SUCLG2: variants seen among roughly 807,000 people sequenced by gnomAD.
SUCLG2 encodes succinate--CoA ligase [GDP-forming] subunit beta, mitochondrial.
Under a neutral mutation model 47.9 loss-of-function variants are expected in SUCLG2, and 42 were observed. That is an observed-to-expected ratio of 0.88 (90% CI 0.69 to 1.14). The LOEUF (loss-of-function observed/expected upper bound fraction) is 1.14, where lower values mean the gene tolerates loss of function less well. SUCLG2 is among the 50% of genes most tolerant of loss of function. The probability of loss-of-function intolerance (pLI) is 0.00; values close to 1 mark genes in which losing one functional copy is unlikely to be tolerated. For missense variants in SUCLG2, 571 were observed against 525.9 expected, an observed-to-expected ratio of 1.09 and a Z score of -0.84; for synonymous variants, 195 against 197.3, an observed-to-expected ratio of 0.99 and a Z score of 0.10.
intron 9 of SUCLG2, among the ~76,000 whole-genome samples, chr3:67,472,690 T>C (rs1704633924): frequency 6.6e-6 from 1 of 152,150 alleles, no homozygotes; most frequent in African/African-American, 2.4e-5. Context: ...CTTAATTAAC[T>C]AAATGGTCAC....
chr3:67,443,718 T>G, intron 9 of SUCLG2, among the ~76,000 whole-genome samples: 1 of 86,210 alleles, frequency 1.2e-5, no homozygotes. Context: ...ATCTGGGATG[T>G]GAGGAGCGCC....
At chr3:67,423,843 A>C (rs969110389) in intron 9 of SUCLG2, among the ~76,000 whole-genome samples, 6 of 152,202 alleles carry the variant, frequency 3.9e-5, no homozygotes, top group Admixed American at 2.6e-4. Flanking sequence ...GAGGTATCTT[A>C]CTATAGCTAG....
At chr3:67,566,201 T>C (rs1707450345) in intron 2 of SUCLG2, among the ~76,000 whole-genome samples, 1 of 152,240 alleles carries the variant, frequency 6.6e-6, no homozygotes, top group Non-Finnish European at 1.5e-5. Context: ...TTCTAGTCTG[T>C]CTTTGACCTC....
downstream of SUCLG2, among the ~76,000 whole-genome samples, chr3:67,369,816 C>T (rs577371445): frequency 7.9e-5 from 12 of 152,260 alleles, no homozygotes; most frequent in South Asian, 2.5e-3. Context: ...TCCTGTTTCA[C>T]CTGTTCCTAC....
At chr3:67,630,319 G>A (rs760715974) in intron 1 of SUCLG2, among the ~76,000 whole-genome samples, 1 of 152,172 alleles carries the variant, frequency 6.6e-6, no homozygotes, top group Non-Finnish European at 1.5e-5. Context: ...CATTTAAACT[G>A]TAGACTTTGG....
intron 9 of SUCLG2, among the ~76,000 whole-genome samples, chr3:67,448,504 C>A (rs1703979729): frequency 6.6e-6 from 1 of 152,164 alleles, no homozygotes; most frequent in Non-Finnish European, 1.5e-5. Flanking sequence ...CATGCCTCAG[C>A]CTCCTGAGTA....
chr3:67,392,030 C>T (rs557715785), intron 10 of SUCLG2, among the ~76,000 whole-genome samples: 14 of 152,236 alleles, frequency 9.2e-5, no homozygotes, highest in African/African-American at 2.9e-4. Flanking sequence ...TCAGTGCATG[C>T]CCCTGTCCTT....
intron 2 of SUCLG2, among the ~76,000 whole-genome samples, chr3:67,542,869 T>A (rs1283123792): frequency 2.0e-5 from 3 of 152,108 alleles, no homozygotes; most frequent in Non-Finnish European, 2.9e-5. Context: ...CACACAATAA[T>A]AGTGGGAGAC....
intron 2 of SUCLG2, among the ~76,000 whole-genome samples, chr3:67,586,891 C>T (rs1043730365): frequency 6.6e-6 from 1 of 152,180 alleles, no homozygotes; most frequent in African/African-American, 2.4e-5. Flanking sequence ...TAAGCTGCCT[C>T]CCATTTACTG....
intron 10 of SUCLG2, among the ~76,000 whole-genome samples, chr3:67,388,789 T>C (rs966223301): frequency 6.7e-6 from 1 of 150,244 alleles, no homozygotes; most frequent in African/African-American, 2.5e-5. Flanking sequence ...TGGACTATTA[T>C]AGTTATAGTA....
intron 2 of SUCLG2, among the ~76,000 whole-genome samples, chr3:67,553,495 TTAAA>T (rs1707072050): frequency 1.3e-5 from 2 of 152,376 alleles, no homozygotes; most frequent in Admixed American, 6.5e-5. Flanking sequence ...GCTTTTGGAC[TTAAA>T]TAATTCAAGT....
intron 9 of SUCLG2, among the ~76,000 whole-genome samples, chr3:67,415,499 C>T (rs1242692227): frequency 6.6e-6 from 1 of 152,198 alleles, no homozygotes; most frequent in African/African-American, 2.4e-5. Flanking sequence ...AGATGGCATA[C>T]AGTATAGAGG....
At chr3:67,478,232 G>A (rs1312811028) in intron 9 of SUCLG2, among the ~76,000 whole-genome samples, 1 of 152,118 alleles carries the variant, frequency 6.6e-6, no homozygotes, top group African/African-American at 2.4e-5. Context: ...CGGCCACCAC[G>A]GCCACAATTT....
Position 67,528,158 on chromosome 3 carries a change from G to T in SUCLG2, c.391C>A (p.Pro131Thr). Residue 131 changes from proline (P) to threonine (T), a missense_variant, in exon 4 of 11, where the codon CCA becomes ACA. Coordinates refer to ENST00000307227, the MANE Select transcript of SUCLG2 (RefSeq NM_003848.4). The stretch of plus-strand genomic sequence containing the variant: ...TTGTTAACTTTCACACCTTCTTTTG[G>T]AGTTTGTTTTGTCGCTAGATTGTAC... Reference protein sequence around the residue: ...IGYNLATKQTPKEGVKVNKVM... With the variant: ...IGYNLATKQTTKEGVKVNKVM... The T allele has an allele frequency of 6.2e-7, 1 of 1,613,804 alleles. No individual in the cohort carries two copies. The highest frequency in any genetic ancestry group is 8.5e-7 in the Non-Finnish European group (1 of 1,179,864).
In SUCLG2 at chr3:67,422,432, G is replaced by C. The variant is rs372130111; in HGVS notation, c.1063-21581C>G. Among the ~76,000 whole-genome samples, 2 of 121,920 alleles carry C rather than the reference G, an allele frequency of 1.6e-5. 1 individual carries two copies. The highest frequency in any genetic ancestry group is 6.5e-5 in the African/African-American group (2 of 30,948). 80.0% of individuals were successfully genotyped at this position (121,920 alleles called of 152,430 possible). A position where few individuals can be genotyped will look rare whatever the true frequency, so the allele number is the denominator to read the frequency against. ...GGAGGTTGCAGTGAGCCAAGATCGC[G>C]CCACTGCACTCCGGCCTGGTGACAG... is the stretch of plus-strand genomic sequence containing the variant. On this transcript the variant is annotated intron_variant, in intron 9 of 10. Coordinates refer to ENST00000307227, the MANE Select transcript of SUCLG2 (RefSeq NM_003848.4).
chr3:67,612,405 T>C (rs1040275912), intron 1 of SUCLG2, among the ~76,000 whole-genome samples: 15 of 137,030 alleles, frequency 1.1e-4, no homozygotes, highest in African/African-American at 3.3e-4. Flanking sequence ...ATAATTTATG[T>C]TTACTTCTGC....
intron 9 of SUCLG2, among the ~76,000 whole-genome samples, chr3:67,464,458 C>T (rs1002111606): frequency 3.3e-5 from 5 of 152,216 alleles, no homozygotes; most frequent in African/African-American, 1.2e-4. Flanking sequence ...TTTACATACT[C>T]ACTGTGCTGC....
At chr3:67,600,793 C>A (rs545375464) in intron 2 of SUCLG2, among the ~76,000 whole-genome samples, 1 of 152,304 alleles carries the variant, frequency 6.6e-6, no homozygotes, top group Non-Finnish European at 1.5e-5. Context: ...AATGGGCATA[C>A]TTTCCAGGTC....
At chr3:67,628,621 T>G (rs2107348016) in intron 1 of SUCLG2, among the ~76,000 whole-genome samples, 1 of 152,232 alleles carries the variant, frequency 6.6e-6, no homozygotes, top group South Asian at 2.1e-4. Flanking sequence ...GGGGGTGGGT[T>G]TTTCCCATGC....
Sources: allele counts gnomAD v4.1 joint callset (sites outside exome capture counted in the v4.1 genomes callset), GRCh38; gene constraint gnomAD v4.1.1; transcripts MANE v1.5; gene names NCBI Gene and HGNC (gene_info 2026-07-23, HGNC 2026-07-21).